PTAFR: variants seen among roughly 807,000 people sequenced by gnomAD.
PTAFR encodes the protein platelet-activating factor receptor.
A neutral mutation model predicts 14.7 loss-of-function variants in PTAFR; 8 were observed. That is an observed-to-expected ratio of 0.54 (90% confidence interval 0.32 to 0.98). The LOEUF is 0.98. Ranked by LOEUF, PTAFR falls within the 50% of genes least tolerant of loss-of-function variation. PTAFR has a pLI of 0.04. For synonymous variants in PTAFR, 156 were observed against 176.5 expected, an observed-to-expected ratio of 0.88 and a Z score of 0.92; for missense variants, 337 against 451.2, an observed-to-expected ratio of 0.75 and a Z score of 2.29.
chr1:28,155,750 C>A (rs551680161), intron 1 of PTAFR, among the ~76,000 whole-genome samples: 2 of 152,064 alleles, frequency 1.3e-5, no homozygotes, highest in Non-Finnish European at 2.9e-5. Context: ...CTCCTGTAGT[C>A]CCAGCTACTC....
In PTAFR at chr1:28,150,923, A is replaced by G. The variant is rs761570927; in HGVS notation, c.99T>C (p.Asn33=). Residue 33 remains asparagine (N), a synonymous_variant, in exon 2 of 2, where the codon AAT becomes AAC. Coordinates refer to ENST00000373857, the MANE Select transcript of PTAFR (RefSeq NM_000952.5). The surrounding 1 kb of genome is among the most constrained non-coding windows in gnomAD (Gnocchi z 6.3). ...GGGCAAAGACCCACAGCACGTAGCC[A>G]TTAGCAATGACCCCGAGCACAAAGA... ...SIIFVLGVIA[N]GYVLWVFARL... 7 of 1,614,006 alleles carry G rather than the reference A, an allele frequency of 4.3e-6. No homozygotes were observed. The highest frequency in any genetic ancestry group is 3.3e-5 in the Admixed American group (2 of 59,990).
intron 1 of PTAFR, among the ~76,000 whole-genome samples, chr1:28,182,704 G>A (rs992887339): frequency 6.6e-6 from 1 of 151,936 alleles, no homozygotes; most frequent in African/African-American, 2.4e-5. Flanking sequence ...TTTTGAGACG[G>A]AGTCTCACTT....
At chr1:28,183,811 C>T (rs1170970227) in intron 1 of PTAFR, among the ~76,000 whole-genome samples, 3 of 151,830 alleles carry the variant, frequency 2.0e-5, no homozygotes, top group Admixed American at 6.6e-5. Flanking sequence ...CACTTGAACC[C>T]GGGAGGCAGA....
At chr1:28,159,665 C>T (rs917808501) in intron 1 of PTAFR, among the ~76,000 whole-genome samples, 4 of 151,572 alleles carry the variant, frequency 2.6e-5, no homozygotes, top group Admixed American at 1.3e-4. Context: ...TGGTGAAATC[C>T]CATCTCTAAT....
In PTAFR at chr1:28,149,006, C is replaced by T. The variant is rs1646146663; in HGVS notation, c.*987G>A. 1 of 152,328 alleles carries T rather than the reference C, an allele frequency of 6.6e-6. No individual in the cohort carries two copies. The highest frequency in any genetic ancestry group is 2.1e-4 in the South Asian group (1 of 4,834). 9.4% of individuals were successfully genotyped at this position (152,328 alleles called of 1,614,324 possible). A position where few individuals can be genotyped will look rare whatever the true frequency, so the allele number is the denominator to read the frequency against. On this transcript the variant is annotated 3_prime_UTR_variant, in exon 2 of 2. Transcript: ENST00000373857. ...GAGGTGGGCATCTCCTTCCCACTCCCCCAGAGCTGACTGGACTAGAGGCAA... is the reference window on the plus strand; with the variant it reads ...GAGGTGGGCATCTCCTTCCCACTCCTCCAGAGCTGACTGGACTAGAGGCAA...
chr1:28,190,521 T>G (rs1646643457), intron 1 of PTAFR, among the ~76,000 whole-genome samples: 1 of 152,162 alleles, frequency 6.6e-6, no homozygotes, highest in Non-Finnish European at 1.5e-5. Context: ...AGCCTGAGAT[T>G]GGCAAAGAGA....
At chr1:28,170,084 C>T (rs1458348223) in intron 1 of PTAFR, among the ~76,000 whole-genome samples, 1 of 152,072 alleles carries the variant, frequency 6.6e-6, no homozygotes, top group African/African-American at 2.4e-5. Flanking sequence ...TACTTCCCTA[C>T]CCCAGACAGA....
upstream of PTAFR, among the ~76,000 whole-genome samples, chr1:28,177,368 G>A (rs923287172): frequency 6.6e-6 from 1 of 152,158 alleles, no homozygotes; most frequent in South Asian, 2.1e-4. Flanking sequence ...AAGAAACATT[G>A]AGCCCAGAAA....
chr1:28,162,030 T>C (rs1197734905), intron 1 of PTAFR, among the ~76,000 whole-genome samples: 3 of 151,630 alleles, frequency 2.0e-5, no homozygotes, highest in African/African-American at 7.3e-5. Context: ...GAGTGAGAAA[T>C]GGGAAGAGTG....
At chr1:28,176,114 C>T (rs975111434) in intron 1 of PTAFR, among the ~76,000 whole-genome samples, 3 of 152,064 alleles carry the variant, frequency 2.0e-5, no homozygotes, top group African/African-American at 7.2e-5. Context: ...AAACATGAGA[C>T]TCTGGGCCTG....
chr1:28,155,460 G>A (rs754877850), intron 1 of PTAFR, among the ~76,000 whole-genome samples: 6 of 151,964 alleles, frequency 3.9e-5, no homozygotes, highest in Non-Finnish European at 5.9e-5. Flanking sequence ...CCGCCACCTC[G>A]GCCTCCCAAA....
At chr1:28,179,293 G>A (rs1355805373), upstream of PTAFR, among the ~76,000 whole-genome samples, 2 of 152,148 alleles carry the variant, frequency 1.3e-5, no homozygotes, top group African/African-American at 2.4e-5. Flanking sequence ...TCTCCAGGAC[G>A]CCTGGCTCAA....
At chr1:28,185,389 A>G (rs1471897845) in intron 1 of PTAFR, among the ~76,000 whole-genome samples, 3 of 152,184 alleles carry the variant, frequency 2.0e-5, no homozygotes, top group Non-Finnish European at 4.4e-5. Flanking sequence ...ACTATTATAA[A>G]GGGGTTGTTC....
chr1:28,157,043 G>T (rs1040655888), intron 1 of PTAFR, among the ~76,000 whole-genome samples: 1 of 152,136 alleles, frequency 6.6e-6, no homozygotes, highest in Non-Finnish European at 1.5e-5. Flanking sequence ...AAGCCTTTCC[G>T]CCAGGGCCAG....
intron 1 of PTAFR, among the ~76,000 whole-genome samples, chr1:28,185,647 T>A (rs1646600085): frequency 6.6e-6 from 1 of 152,140 alleles, no homozygotes; most frequent in African/African-American, 2.4e-5. Context: ...ATGGGAATAA[T>A]CATATAGGAA....
At chr1:28,151,368 G>C (rs1189399909) in intron 1 of PTAFR, among the ~76,000 whole-genome samples, 2 of 151,946 alleles carry the variant, frequency 1.3e-5, no homozygotes, top group Non-Finnish European at 2.9e-5. Flanking sequence ...AGTGGAGATG[G>C]GGTTTCTCCA....
At chr1:28,158,048 G>A (rs568942355) in intron 1 of PTAFR, among the ~76,000 whole-genome samples, 3 of 152,294 alleles carry the variant, frequency 2.0e-5, no homozygotes, top group South Asian at 2.1e-4. Context: ...CACAGCTCCC[G>A]GAGCTGAGCA....
chr1:28,177,739 T>G (rs558788759), upstream of PTAFR, among the ~76,000 whole-genome samples: 1 of 149,956 alleles, frequency 6.7e-6, no homozygotes, highest in East Asian at 1.9e-4. Context: ...ACTTTCTTCT[T>G]TTTTTTTTTC....
At chr1:28,178,339 C>G (rs1010770673), upstream of PTAFR, among the ~76,000 whole-genome samples, 1 of 152,102 alleles carries the variant, frequency 6.6e-6, no homozygotes, top group Non-Finnish European at 1.5e-5. Flanking sequence ...CAGCTCACTG[C>G]AACCTCTGCC....
Sources: gnomAD v4.1 joint callset for allele counts (sites outside exome capture counted in the v4.1 genomes callset) on GRCh38, gnomAD v4.1.1 for gene constraint, Gnocchi (gnomAD v3.1) non-coding constraint, MANE v1.5 for transcripts, NCBI Gene and HGNC (gene_info 2026-07-23, HGNC 2026-07-21) for gene names.